Variants in EBF3 observed in about 807,000 individuals in gnomAD.
The protein encoded by EBF3 is transcription factor COE3.
EBF3 carries 18 observed loss-of-function variants against 77.1 expected under a neutral mutation model. The observed-to-expected ratio is 0.23, with a 90% CI of 0.16 to 0.35. The LOEUF (loss-of-function observed/expected upper bound fraction) is 0.35. Among genes scored for constraint, EBF3 ranks in the 10% least tolerant of loss-of-function variants. The pLI is 1.00. For missense variants in EBF3, 558 were observed against 860.0 expected (o/e 0.65, Z 4.39); for synonymous variants, 350 against 343.5 (o/e 1.02, Z -0.21).
chr10:129,953,201 T>C (rs570861386), intron 6 of EBF3, among the ~76,000 whole-genome samples: 8 of 147,140 alleles, frequency 5.4e-5, no homozygotes, highest in Middle Eastern at 3.4e-3. Context: ...GGCGCAGAGC[T>C]GAAATGGGGG....
At chr10:129,956,618 C>A (rs1045355808) in intron 6 of EBF3, among the ~76,000 whole-genome samples, 5 of 152,132 alleles carry the variant, frequency 3.3e-5, no homozygotes, top group Admixed American at 1.3e-4. Flanking sequence ...TGAGAAACAG[C>A]AAGATGAAGA....
chr10:129,838,377 G>A (rs1034906538), intron 16 of EBF3, among the ~76,000 whole-genome samples: 8 of 152,358 alleles, frequency 5.3e-5, no homozygotes, highest in African/African-American at 9.6e-5. Flanking sequence ...AGTCAAGGCC[G>A]GCTCACAGGC....
chr10:129,958,740 C>T (rs1859233813), intron 5 of EBF3, among the ~76,000 whole-genome samples, 194 bp downstream of exon 5: 1 of 152,192 alleles, frequency 6.6e-6, no homozygotes, highest in Non-Finnish European at 1.5e-5. Flanking sequence ...CAGCGGGTCG[C>T]GTTGATCGTC....
At chr10:129,918,640 C>A (rs752708676) in intron 6 of EBF3, among the ~76,000 whole-genome samples, 1 of 152,166 alleles carries the variant, frequency 6.6e-6, no homozygotes, top group Non-Finnish European at 1.5e-5. Flanking sequence ...CCCTGCCCTA[C>A]CCCCCTCCCC....
Position 129,879,513 on chromosome 10 carries a change from T to G in EBF3, c.555-1664A>C, listed in dbSNP as rs958996042. ...CAGCATATCCTGGATGACTTCTTAC[T>G]GTGGCAGAAGAAAATCCAATTGATG... On this transcript the variant is annotated intron_variant, in intron 6 of 16. Transcript: ENST00000440978. The surrounding 1 kb of genome is among the most constrained non-coding windows in gnomAD (Gnocchi z 4.7). 6.6e-6 allele frequency among the ~76,000 whole-genome samples: 1 copy of G among 152,194 alleles called. No individual in the cohort carries two copies. Among genetic ancestry groups the G allele is most frequent in the Non-Finnish European group, 1.5e-5 (1 of 68,028 alleles).
At position 129,905,028 on chromosome 10, in the gene EBF3, C is replaced by T. The variant is rs753009336; in HGVS notation, c.555-27179G>A. Among the ~76,000 whole-genome samples the T allele has an allele frequency of 4.6e-5, 7 of 152,368 alleles. No individual in the cohort carries two copies. In the South Asian group the frequency reaches 6.2e-4, roughly 14 times the overall value. On this transcript the variant is annotated intron_variant, in intron 6 of 16. Coordinates refer to ENST00000440978, the MANE Select transcript of EBF3 (RefSeq NM_001375380.1). ...GAGATAACCAGAAAGGGCAAGGCTG[C>T]GCCTTTCAGGGATGAGTTCGTCCCA...
chr10:129,936,744 A>G (rs2134456738), intron 6 of EBF3, among the ~76,000 whole-genome samples: 1 of 135,364 alleles, frequency 7.4e-6, no homozygotes, highest in Non-Finnish European at 1.6e-5. Flanking sequence ...CTATGGGGGG[A>G]CCCTCAGCTG....
intron 6 of EBF3, among the ~76,000 whole-genome samples, chr10:129,908,997 C>CTTTACCTGCCCA (rs1855336093): frequency 6.6e-6 from 1 of 152,212 alleles, no homozygotes; most frequent in Non-Finnish European, 1.5e-5. Flanking sequence ...ACAATGTGGA[C>CTTTACCTGCCCA]TTTACCTGCC....
At chr10:129,887,054 C>CGGGGGGGGGGGG (rs1226242130) in intron 6 of EBF3, among the ~76,000 whole-genome samples, 1 of 10,594 alleles carries the variant, frequency 9.4e-5, no homozygotes, top group African/African-American at 2.5e-4. Flanking sequence ...GGGTTGTGGG[C>CGGGGGGGGGGGG]GGGGGGGGGG....
chr10:129,845,080 CT>C (rs2133966923), intron 11 of EBF3, among the ~76,000 whole-genome samples: 1 of 152,278 alleles, frequency 6.6e-6, no homozygotes, highest in Non-Finnish European at 1.5e-5. Context: ...ATTACGTATG[CT>C]CTTATCCTAA....
rs1056311581 is a variant in EBF3 at position 129,952,746 on chromosome 10, T to C, written c.554+4512A>G. On this transcript the variant is annotated intron_variant, in intron 6 of 16. Transcript: ENST00000440978. This position sits in a 1 kb window ranked among gnomAD's most constrained non-coding sequence, Gnocchi z 4.7. Reference sequence around the variant, plus strand: ...GGGCTAGGGAATAACCCGGTGCTGTTTGTAAGGCTTGGTAATAATCATACA... The same window carrying C: ...GGGCTAGGGAATAACCCGGTGCTGTCTGTAAGGCTTGGTAATAATCATACA... 6.6e-6 allele frequency among the ~76,000 whole-genome samples: 1 copy of C among 152,218 alleles called. No homozygotes were observed. Among genetic ancestry groups the C allele is most frequent in the African/African-American group, 2.4e-5 (1 of 41,448 alleles).
chr10:129,959,831 G>A (rs1859355047), intron 4 of EBF3, among the ~76,000 whole-genome samples: 1 of 152,036 alleles, frequency 6.6e-6, no homozygotes, highest in Non-Finnish European at 1.5e-5. Context: ...GAGCCCGCGC[G>A]GCCACGTGCT....
At chr10:129,871,537 G>A (rs1209131102) in intron 8 of EBF3, among the ~76,000 whole-genome samples, 1 of 152,122 alleles carries the variant, frequency 6.6e-6, no homozygotes, top group Non-Finnish European at 1.5e-5. Context: ...TTCCTTAAAG[G>A]ATGTGGGACT....
Position 129,861,697 on chromosome 10 carries a change from C to T in EBF3, c.1039+5444G>A, listed in dbSNP as rs183671131. Among the ~76,000 whole-genome samples, 132 of 152,216 alleles carry T rather than the reference C, an allele frequency of 8.7e-4. No homozygotes were observed. Among genetic ancestry groups the T allele is most frequent in the African/African-American group, 2.8e-3 (115 of 41,536 alleles). On this transcript the variant is annotated intron_variant, in intron 10 of 16. Transcript: ENST00000440978. This position sits in a 1 kb window ranked among gnomAD's most constrained non-coding sequence, Gnocchi z 4.3. ...CCACGGGGGGCCCCTGGCCACACCA[C>T]GGGATGATGAGAGTCACTGACAGAA... is the stretch of plus-strand genomic sequence containing the variant.
In EBF3 at chr10:129,943,677, A is replaced by ATTT. The variant is rs111900506; in HGVS notation, c.554+13578_554+13580dup. Among the ~76,000 whole-genome samples, 15 of 149,620 alleles carry ATTT rather than the reference A, an allele frequency of 1.0e-4. No individual in the cohort carries two copies. The highest frequency in any genetic ancestry group is 5.9e-4 in the East Asian group (3 of 5,124). ...TTTCCTCATTTATTTTCCTTCAGAC[A>ATTT]TTTTTTTTTTACCTCTGCTATGAAT... On this transcript the variant is annotated intron_variant, in intron 6 of 16. Coordinates refer to ENST00000440978, the MANE Select transcript of EBF3 (RefSeq NM_001375380.1). The surrounding 1 kb of genome is among the most constrained non-coding windows in gnomAD (Gnocchi z 8.8).
chr10:129,959,556 G>A (rs1589964276), intron 4 of EBF3, among the ~76,000 whole-genome samples: 1 of 152,032 alleles, frequency 6.6e-6, no homozygotes, highest in Non-Finnish European at 1.5e-5. Context: ...CCTGCCCTGC[G>A]CGCTCCCCCG....
chr10:129,942,380 A>T (rs1857820766), intron 6 of EBF3, among the ~76,000 whole-genome samples: 1 of 152,250 alleles, frequency 6.6e-6, no homozygotes, highest in South Asian at 2.1e-4. Flanking sequence ...AGGGTGCTGA[A>T]TACTGACGCT....
chr10:129,912,172 G>A lies in EBF3; in HGVS notation c.555-34323C>T, dbSNP rs116944125. 8.7e-3 allele frequency among the ~76,000 whole-genome samples: 1,323 copies of A among 152,208 alleles called. 21 individuals carry two copies. Among genetic ancestry groups the A allele is most frequent in the South Asian group, 0.059 (285 of 4,810 alleles). On this transcript the variant is annotated intron_variant, in intron 6 of 16. Transcript: ENST00000440978. ...TTCACCTAAACTGGCTCTTTCCTGC[G>A]CATGGAATATCGCCCTCCACTCCTG...
chr10:129,938,606 A>T lies in EBF3; in HGVS notation c.554+18652T>A, dbSNP rs1342338466. On this transcript the variant is annotated intron_variant, in intron 6 of 16. Transcript: ENST00000440978. This position sits in a 1 kb window ranked among gnomAD's most constrained non-coding sequence, Gnocchi z 5.1. ...AGAAGTTCATGAGGGAAAAGAAGAAAACAATTTAGCATTTTTGATGGGCAG... is the reference window on the plus strand; with the variant it reads ...AGAAGTTCATGAGGGAAAAGAAGAATACAATTTAGCATTTTTGATGGGCAG... Among the ~76,000 whole-genome samples the T allele has an allele frequency of 1.3e-5, 2 of 152,116 alleles. No homozygotes were observed. The highest frequency in any genetic ancestry group is 2.9e-5 in the Non-Finnish European group (2 of 68,014).
Sources: gnomAD v4.1 joint callset for allele counts (sites outside exome capture counted in the v4.1 genomes callset) on GRCh38, gnomAD v4.1.1 for gene constraint, Gnocchi (gnomAD v3.1) non-coding constraint, MANE v1.5 for transcripts, NCBI Gene and HGNC (gene_info 2026-07-23, HGNC 2026-07-21) for gene names.